Variants in GALNT18 observed in about 807,000 individuals in gnomAD.
The protein encoded by GALNT18 is GalNAc-transferase 18.
GALNT18 carries 44 observed loss-of-function variants against 69.5 expected under a neutral mutation model. The ratio of observed to expected loss-of-function variants is 0.63; its 90% confidence interval spans 0.50 to 0.81. The LOEUF (loss-of-function observed/expected upper bound fraction) is 0.81, where lower values mean the gene tolerates loss of function less well. Among genes scored for constraint, GALNT18 ranks in the 40% least tolerant of loss-of-function variants. The pLI, the probability that GALNT18 is intolerant of heterozygous loss-of-function variation, is 0.00. For missense variants in GALNT18, 715 were observed against 810.0 expected, an observed-to-expected ratio of 0.88 and a Z score of 1.42; for synonymous variants, 364 against 318.2, an observed-to-expected ratio of 1.14 and a Z score of -1.53.
chr11:11,455,789 AG>A (rs1193699546), intron 1 of GALNT18, among the ~76,000 whole-genome samples: 1 of 152,194 alleles, frequency 6.6e-6, no homozygotes, highest in East Asian at 1.9e-4. Flanking sequence ...CATCACAAAA[AG>A]GTACTCTCTA....
At chr11:11,273,838 C>A (rs1848878176) in intron 10 of GALNT18, among the ~76,000 whole-genome samples, 1 of 152,102 alleles carries the variant, frequency 6.6e-6, no homozygotes, top group Non-Finnish European at 1.5e-5. Flanking sequence ...GTGGTATATA[C>A]ACAGGATGGA....
In GALNT18 at chr11:11,318,500, T is replaced by C. The variant is rs187864857; in HGVS notation, c.1512+8586A>G. Among the ~76,000 whole-genome samples, 48 of 152,322 alleles carry C rather than the reference T, an allele frequency of 3.2e-4. No individual in the cohort carries two copies. The highest frequency in any genetic ancestry group is 3.1e-3 in the Admixed American group (47 of 15,304). ...AGAGTGCCTGGAGTAGAATCTTTCC[T>C]AGGCCTTCAGAGGGAGCTTGGCCCT... On this transcript the variant is annotated intron_variant, in intron 9 of 10. Coordinates refer to ENST00000227756, the MANE Select transcript of GALNT18 (RefSeq NM_198516.3). The surrounding 1 kb of genome is among the most constrained non-coding windows in gnomAD (Gnocchi z 5.1).
chr11:11,524,125 C>T (rs1490514818), intron 1 of GALNT18, among the ~76,000 whole-genome samples: 2 of 152,132 alleles, frequency 1.3e-5, no homozygotes, highest in Admixed American at 6.5e-5. Flanking sequence ...CTAGAAATCA[C>T]TTATCTAGTA....
intron 10 of GALNT18, among the ~76,000 whole-genome samples, chr11:11,292,669 A>G (rs1564883115): frequency 6.6e-6 from 1 of 152,142 alleles, no homozygotes; most frequent in Non-Finnish European, 1.5e-5. Context: ...ACCTGAGTTT[A>G]TATCCCAGCC....
Position 11,497,868 on chromosome 11 carries a change from G to C in GALNT18, c.236-48932C>G, listed in dbSNP as rs1025730919. 1.3e-5 allele frequency among the ~76,000 whole-genome samples: 2 copies of C among 151,794 alleles called. No individual in the cohort carries two copies. The highest frequency in any genetic ancestry group is 4.8e-5 in the African/African-American group (2 of 41,308). ...AGGCCAAGGCTTCTATTTGAGCTGT[G>C]TCTCCAGATTGGAGTTCTACATCTT... On this transcript the variant is annotated intron_variant, in intron 1 of 10. Coordinates refer to ENST00000227756, the MANE Select transcript of GALNT18 (RefSeq NM_198516.3). The surrounding 1 kb of genome is among the most constrained non-coding windows in gnomAD (Gnocchi z 4.2).
At position 11,470,585 on chromosome 11, in the gene GALNT18, G is replaced by A. The variant is rs1408368218; in HGVS notation, c.236-21649C>T. Among the ~76,000 whole-genome samples the A allele has an allele frequency of 2.0e-5, 3 of 152,142 alleles. No individual in the cohort carries two copies. Among genetic ancestry groups the A allele is most frequent in the Non-Finnish European group, 4.4e-5 (3 of 68,020 alleles). On this transcript the variant is annotated intron_variant, in intron 1 of 10. Coordinates refer to ENST00000227756, the MANE Select transcript of GALNT18 (RefSeq NM_198516.3). The surrounding 1 kb of genome is among the most constrained non-coding windows in gnomAD (Gnocchi z 4.8). ...AATCGCTAGCTAATTTTGATCTTTT[G>A]ATCTGTATATGATTCCTGTCTACTA...
chr11:11,368,625 C>T (rs1487131), intron 6 of GALNT18, among the ~76,000 whole-genome samples: 98,134 of 152,020 alleles, frequency 0.65, 31,849 homozygotes, highest in Middle Eastern at 0.76. Flanking sequence ...TTCATGTAGC[C>T]GTTCTGCCCA....
Position 11,332,673 on chromosome 11 carries a change from C to A in GALNT18, c.1416+21G>T, listed in dbSNP as rs201041082. ...TTTCTGTCTGTGTCTGAATGAAACC[C>A]GGAGGAGGCCAGCTCCTTACCACTC... On this transcript the variant is annotated intron_variant, in intron 8 of 10. Transcript: ENST00000227756. The surrounding 1 kb of genome is among the most constrained non-coding windows in gnomAD (Gnocchi z 4.3). 6.2e-7 allele frequency: 1 copy of A among 1,613,130 alleles called. No individual in the cohort carries two copies. The highest frequency in any genetic ancestry group is 1.1e-5 in the South Asian group (1 of 91,006).
At chr11:11,295,484 T>C (rs1400491745) in intron 9 of GALNT18, among the ~76,000 whole-genome samples, 1 of 152,054 alleles carries the variant, frequency 6.6e-6, no homozygotes, top group African/African-American at 2.4e-5. Flanking sequence ...AGAGGAGGGC[T>C]TTGGGGTCAT....
chr11:11,319,300 A>G (rs1289227614), intron 9 of GALNT18, among the ~76,000 whole-genome samples: 2 of 152,240 alleles, frequency 1.3e-5, no homozygotes, highest in African/African-American at 4.8e-5. Context: ...GCAATGCTCA[A>G]GAGAGAAACA....
In GALNT18 at chr11:11,318,823, C is replaced by T. The variant is rs531615103; in HGVS notation, c.1512+8263G>A. Among the ~76,000 whole-genome samples the T allele has an allele frequency of 5.3e-5, 8 of 152,284 alleles. No homozygotes were observed. The East Asian group carries it at 1.2e-3, about 22-fold the overall frequency. On this transcript the variant is annotated intron_variant, in intron 9 of 10. Transcript: ENST00000227756. The surrounding 1 kb of genome is among the most constrained non-coding windows in gnomAD (Gnocchi z 5.1). ...TTTTAATATTATCCTGGGACATTAACGGGCCCATCCAAGAGTATGTAATTT... is the reference window on the plus strand; with the variant it reads ...TTTTAATATTATCCTGGGACATTAATGGGCCCATCCAAGAGTATGTAATTT...
intron 9 of GALNT18, among the ~76,000 whole-genome samples, chr11:11,299,446 C>T (rs549901801): frequency 1.3e-5 from 2 of 152,290 alleles, no homozygotes; most frequent in East Asian, 3.9e-4. Context: ...TGCCTGGCCC[C>T]ATTGTGTATC....
chr11:11,511,895 G>A lies in GALNT18; in HGVS notation c.236-62959C>T, dbSNP rs973503536. 2.6e-5 allele frequency among the ~76,000 whole-genome samples: 4 copies of A among 152,104 alleles called. No homozygotes were observed. Among genetic ancestry groups the A allele is most frequent in the Non-Finnish European group, 5.9e-5 (4 of 68,038 alleles). On this transcript the variant is annotated intron_variant, in intron 1 of 10. Transcript: ENST00000227756. This position sits in a 1 kb window ranked among gnomAD's most constrained non-coding sequence, Gnocchi z 4.9. ...CCAGAACTATGAAAAATCAATTTCT[G>A]TTGTTTGTAAGCCATCCACTCTATG...
intron 9 of GALNT18, among the ~76,000 whole-genome samples, chr11:11,323,111 C>A (rs959906365): frequency 6.6e-6 from 1 of 152,172 alleles, no homozygotes; most frequent in Non-Finnish European, 1.5e-5. Flanking sequence ...TAACATTCTG[C>A]CCCTGGCTTC....
intron 3 of GALNT18, among the ~76,000 whole-genome samples, chr11:11,384,349 G>A (rs919010115): frequency 6.6e-6 from 1 of 152,112 alleles, no homozygotes; most frequent in Non-Finnish European, 1.5e-5. Flanking sequence ...CACAGTTCTG[G>A]AGCCTGGGAA....
Position 11,600,841 on chromosome 11 carries a change from C to CT in GALNT18, c.235+20517dup, listed in dbSNP as rs909027044. Among the ~76,000 whole-genome samples the CT allele has an allele frequency of 2.6e-5, 4 of 151,870 alleles. No individual in the cohort carries two copies. The highest frequency in any genetic ancestry group is 9.7e-5 in the African/African-American group (4 of 41,386). On this transcript the variant is annotated intron_variant, in intron 1 of 10. Transcript: ENST00000227756. The surrounding 1 kb of genome is among the most constrained non-coding windows in gnomAD (Gnocchi z 4.8). ...ATATTTTTATTCATTCTCTTTTTCTCTTTTTTTCAGATGTGGTAATCTCTA... is the reference window on the plus strand; with the variant it reads ...ATATTTTTATTCATTCTCTTTTTCTCTTTTTTTTCAGATGTGGTAATCTCTA...
In GALNT18 at chr11:11,272,466, CCTCAGTGCAGCACTGAAGGCCTCCATGG is replaced by C. The variant is rs529967993; in HGVS notation, c.1678-1204_1678-1177del. Among the ~76,000 whole-genome samples the C allele has an allele frequency of 2.3e-3, 357 of 152,304 alleles. 2 individuals carry two copies. The highest frequency in any genetic ancestry group is 8.3e-3 in the African/African-American group (344 of 41,574). On this transcript the variant is annotated intron_variant, in intron 10 of 10. Transcript: ENST00000227756. The stretch of plus-strand genomic sequence containing the variant: ...TGGCCTAAAGGACAAAGTCCAAGCT[CCTCAGTGCAGCACTGAAGGCCTCCATGG>C]CTCAGTGCTGCCTTTCTAGCCTCAT...
intron 9 of GALNT18, among the ~76,000 whole-genome samples, chr11:11,301,405 A>G (rs1849492357): frequency 6.6e-6 from 1 of 152,200 alleles, no homozygotes; most frequent in South Asian, 2.1e-4. Context: ...TAACCCCTTG[A>G]CACAGAAGTT....
At chr11:11,316,651 A>T (rs1035527597) in intron 9 of GALNT18, among the ~76,000 whole-genome samples, 4 of 152,196 alleles carry the variant, frequency 2.6e-5, no homozygotes, top group Non-Finnish European at 5.9e-5. Flanking sequence ...CCTATAACCA[A>T]CAATTTACCT....
Sources: allele counts gnomAD v4.1 joint callset (sites outside exome capture counted in the v4.1 genomes callset), GRCh38; gene constraint gnomAD v4.1.1; non-coding constraint Gnocchi (gnomAD v3.1); transcripts MANE v1.5; gene names NCBI Gene and HGNC (gene_info 2026-07-23, HGNC 2026-07-21).